GMIP: variants seen among roughly 807,000 people sequenced by gnomAD.
GMIP encodes the protein GEM interacting protein.
Under a neutral mutation model 105.3 loss-of-function variants are expected in GMIP, and 54 were observed. The ratio of observed to expected loss-of-function variants is 0.51; its 90% confidence interval spans 0.41 to 0.64. The LOEUF is 0.64. GMIP is among the 30% of genes least tolerant of loss of function. The probability of loss-of-function intolerance (pLI) is 0.00; values close to 1 mark genes in which losing one functional copy is unlikely to be tolerated. For synonymous variants in GMIP, 541 were observed against 560.8 expected, an observed-to-expected ratio of 0.96 and a Z score of 0.50; for missense variants, 1,110 against 1,319.4, an observed-to-expected ratio of 0.84 and a Z score of 2.46.
chr19:19,635,025 C>G lies in GMIP; in HGVS notation c.1749G>C (p.Gln583His). 1 of 1,613,766 alleles carries G rather than the reference C, an allele frequency of 6.2e-7. No individual in the cohort carries two copies. Among genetic ancestry groups the G allele is most frequent in the African/African-American group, 1.3e-5 (1 of 75,048 alleles). Residue 583 changes from glutamine (Q) to histidine (H), a missense_variant and splice_region_variant, in exon 16 of 21, where the codon CAG becomes CAC. By Grantham distance (24) the Gln-to-His change is conservative. Coordinates refer to ENST00000203556, the MANE Select transcript of GMIP (RefSeq NM_016573.4). This position sits in a 1 kb window ranked among gnomAD's most constrained non-coding sequence, Gnocchi z 4.7. Reference protein sequence around the residue: ...AEIEHRALDVQGIYRVSGSRV... With the variant: ...AEIEHRALDVHGIYRVSGSRV... ...GGATGATGAAGGGTCAGGGCAGCAC[C>G]TGCACATCCAGGGCACGGTGTTCTA...
chr19:19,637,544 G>A lies in GMIP; in HGVS notation c.945C>T (p.Phe315=). ...EVLRRVTLSL[F]GLRGAQAERG... ...GCTCTGCCTGCGCCCCCCGCAGCCC[G>A]AAGAGACTCAGCGTCACCTGCCGGG... is the stretch of plus-strand genomic sequence containing the variant. The change falls in exon 11 of 21, where the codon TTC becomes TTT. Residue 315 remains phenylalanine (F), a synonymous_variant. Transcript: ENST00000203556. The surrounding 1 kb of genome is among the most constrained non-coding windows in gnomAD (Gnocchi z 6.7). 1 of 1,531,560 alleles carries A rather than the reference G, an allele frequency of 6.5e-7. No individual in the cohort carries two copies. Among genetic ancestry groups the A allele is most frequent in the Non-Finnish European group, 8.7e-7 (1 of 1,143,038 alleles). The allele number at this position is 1,531,560 out of a possible 1,614,324, so 94.9% of individuals were successfully genotyped here. A position where few individuals can be genotyped will look rare whatever the true frequency, so the allele number is the denominator to read the frequency against.
chr19:19,642,833 C>T (rs1392684616), intron 1 of GMIP, among the ~76,000 whole-genome samples: 2 of 152,034 alleles, frequency 1.3e-5, no homozygotes, highest in East Asian at 3.9e-4. Context: ...AACAGAGACA[C>T]CCACTCCCTG....
intron 19 of GMIP, 55 bp downstream of exon 19, chr19:19,633,748 A>G (rs1480553896): frequency 2.4e-6 from 3 of 1,239,160 alleles, no homozygotes; most frequent in East Asian, 5.5e-5. Flanking sequence ...AGAAGGTAAG[A>G]GAATTGAACA....
At position 19,636,749 on chromosome 19, in the gene GMIP, C is replaced by G. The variant is rs538574812; in HGVS notation, c.1285G>C (p.Gly429Arg). The change falls in exon 13 of 21, where the codon GGC becomes CGC. Residue 429 changes from glycine to arginine, a missense_variant. By Grantham distance (125) the Gly-to-Arg change is moderately radical. Around this residue, in one of 3 missense-constraint regions of GMIP, gnomAD observed 667 missense variants for 773.2 expected, o/e 0.86. Coordinates refer to ENST00000203556, the MANE Select transcript of GMIP (RefSeq NM_016573.4). Reference sequence around the variant, plus strand: ...GAGTCCAGGGACCGAGACTCGCTGCCGCCACCCACGCTGTCCACATCGCTG... The same window carrying G: ...GAGTCCAGGGACCGAGACTCGCTGCGGCCACCCACGCTGTCCACATCGCTG... Reference protein sequence around the residue: ...PGSDVDSVGGGSESRSLDSPT... With the variant: ...PGSDVDSVGGRSESRSLDSPT... 2 of 1,613,524 alleles carry G rather than the reference C, an allele frequency of 1.2e-6. No homozygotes were observed. The highest frequency in any genetic ancestry group is 2.7e-5 in the African/African-American group (2 of 74,848).
chr19:19,631,611 T>C (rs1170410572), intron 19 of GMIP, among the ~76,000 whole-genome samples: 1 of 152,234 alleles, frequency 6.6e-6, no homozygotes, highest in Non-Finnish European at 1.5e-5. Context: ...TGGACTGTTC[T>C]AGCAATCCGG....
intron 19 of GMIP, 80 bp downstream of exon 19, chr19:19,633,723 G>A: frequency 9.4e-7 from 1 of 1,069,282 alleles, no homozygotes; most frequent in Non-Finnish European, 1.3e-6. Flanking sequence ...TTTTAAAAAG[G>A]AAGGAAGGTG....
chr19:19,637,016 T>C lies in GMIP; in HGVS notation c.1138A>G (p.Ile380Val), dbSNP rs759034928. Residue 380 changes from isoleucine (I) to valine (V), a missense_variant, in exon 12 of 21, where the codon ATC (isoleucine) becomes GTC (valine). Around this residue, in one of 3 missense-constraint regions of GMIP, gnomAD observed 667 missense variants for 773.2 expected, o/e 0.86. Transcript: ENST00000203556. This position sits in a 1 kb window ranked among gnomAD's most constrained non-coding sequence, Gnocchi z 6.7. The stretch of plus-strand genomic sequence containing the variant: ...AGAGGCCCAGAGAGCTTCTTTCTGA[T>C]GTCCAGAGGGGAGCTGAGAAGACAG... The part of the protein sequence containing the change: ...LPSLNSSPLD[I>V]RKKLSGPLPP... 2.5e-6 allele frequency: 4 copies of C among 1,568,746 alleles called. No homozygotes were observed. The highest frequency in any genetic ancestry group is 3.7e-5 in the Admixed American group (2 of 53,676).
At position 19,635,442 on chromosome 19, in the gene GMIP, G is replaced by A. The variant is rs555991456; in HGVS notation, c.1533C>T (p.Phe511=). ...CCTCACACTCCGTCCCGCTGACCAT[G>A]AAGGCTTCGCACTCGCGGCACTTGG... ...GPAKCRECEA[F]MVSGTECEEC... The change falls in exon 15 of 21, where the codon TTC becomes TTT. Residue 511 remains phenylalanine (F), a synonymous_variant. Coordinates refer to ENST00000203556, the MANE Select transcript of GMIP (RefSeq NM_016573.4). The surrounding 1 kb of genome is among the most constrained non-coding windows in gnomAD (Gnocchi z 4.7). 1 of 1,609,868 alleles carries A rather than the reference G, an allele frequency of 6.2e-7. No individual in the cohort carries two copies. The highest frequency in any genetic ancestry group is 1.3e-5 in the African/African-American group (1 of 75,044).
At chr19:19,642,488 T>G in intron 2 of GMIP, 47 bp downstream of exon 2, 1 of 1,206,886 alleles carries the variant, frequency 8.3e-7, no homozygotes, top group Non-Finnish European at 1.2e-6. Flanking sequence ...GGTTAGGGGC[T>G]TGGGGCATCT....
chr19:19,640,590 C>T lies in GMIP; in HGVS notation c.239-19G>A, dbSNP rs767312624. The T allele has an allele frequency of 1.2e-6, 2 of 1,613,448 alleles. No homozygotes were observed. Among genetic ancestry groups the T allele is most frequent in the African/African-American group, 2.7e-5 (2 of 74,860 alleles). On this transcript the variant is annotated intron_variant, in intron 4 of 20. Coordinates refer to ENST00000203556, the MANE Select transcript of GMIP (RefSeq NM_016573.4). ...TCCTCCCCTGGGGAAGATGGATGGA[C>T]CTCTGACCTTTGCACCCTAGTCTGC...
chr19:19,640,635 C>A, intron 4 of GMIP, 64 bp from the exon 5 acceptor site: 4 of 1,579,034 alleles, frequency 2.5e-6, no homozygotes, highest in Non-Finnish European at 3.5e-6. Context: ...CTTCCCTAAG[C>A]CCCCAGACCA....
At chr19:19,638,592 T>A in intron 7 of GMIP, 110 bp from the exon 8 acceptor site, 1 of 313,138 alleles carries the variant, frequency 3.2e-6, no homozygotes, top group Non-Finnish European at 5.4e-6. Flanking sequence ...CTGGACTCTA[T>A]TTTTTTTTTT....
chr19:19,630,631 A>C lies in GMIP; in HGVS notation c.2473-94T>G, dbSNP rs1453426559. The C allele has an allele frequency of 2.7e-6, 3 of 1,117,930 alleles. No homozygotes were observed. Among genetic ancestry groups the C allele is most frequent in the Non-Finnish European group, 4.1e-6 (3 of 733,280 alleles). The allele number at this position is 1,117,930 out of a possible 1,614,324, so 69.3% of individuals were successfully genotyped here. A position where few individuals can be genotyped will look rare whatever the true frequency, so the allele number is the denominator to read the frequency against. Reference sequence around the variant, plus strand: ...CAAGGGCTTGTTCCTGGACATGCAAAAGGAATAGCCAGTGCAAAGGCCCTG... The same window carrying C: ...CAAGGGCTTGTTCCTGGACATGCAACAGGAATAGCCAGTGCAAAGGCCCTG... On this transcript the variant is annotated intron_variant, in intron 19 of 20. Transcript: ENST00000203556. The surrounding 1 kb of genome is among the most constrained non-coding windows in gnomAD (Gnocchi z 4.8).
chr19:19,633,792 T>G lies in GMIP; in HGVS notation c.2472+11A>C. The G allele has an allele frequency of 6.9e-7, 1 of 1,439,524 alleles. No individual in the cohort carries two copies. The highest frequency in any genetic ancestry group is 9.2e-7 in the Non-Finnish European group (1 of 1,092,710). The allele number at this position is 1,439,524 out of a possible 1,614,324, so 89.2% of individuals were successfully genotyped here. A position where few individuals can be genotyped will look rare whatever the true frequency, so the allele number is the denominator to read the frequency against. ...GCCCTCTCCATAGCTGTGGGCCCAG[T>G]GGGTTCTTACCTCGGTAGGTGTGGC... On this transcript the variant is annotated intron_variant, in intron 19 of 20. Transcript: ENST00000203556.
In GMIP at chr19:19,629,877, G is replaced by A; in HGVS notation, c.*86C>T. On this transcript the variant is annotated 3_prime_UTR_variant, in exon 21 of 21. Transcript: ENST00000203556. ...CCCAGCATTGAACTCCTGGCGGGGTGTTTGGCCACTAGGTGGTGGGAGGTA... is the reference window on the plus strand; with the variant it reads ...CCCAGCATTGAACTCCTGGCGGGGTATTTGGCCACTAGGTGGTGGGAGGTA... The A allele has an allele frequency of 7.4e-7, 1 of 1,350,596 alleles. No homozygotes were observed. The highest frequency in any genetic ancestry group is 1.0e-6 in the Non-Finnish European group (1 of 994,294). 83.7% of individuals were successfully genotyped at this position (1,350,596 alleles called of 1,614,324 possible).
At position 19,635,407 on chromosome 19, in the gene GMIP, G is replaced by T; in HGVS notation, c.1560+8C>A. The T allele has an allele frequency of 6.2e-7, 1 of 1,608,258 alleles. No individual in the cohort carries two copies. On this transcript the variant is annotated splice_region_variant and intron_variant, in intron 15 of 20. Coordinates refer to ENST00000203556, the MANE Select transcript of GMIP (RefSeq NM_016573.4). This position sits in a 1 kb window ranked among gnomAD's most constrained non-coding sequence, Gnocchi z 4.7. ...CAAAGGTCATTTGGTCATTAACCCA[G>T]GCCACACCTCCTCACACTCCGTCCC...
At position 19,636,976 on chromosome 19, in the gene GMIP, T is replaced by A; in HGVS notation, c.1178A>T (p.Asp393Val). The part of the protein sequence containing the change: ...KLSGPLPPRL[D>V]ENSAEPGPWE... ...AGGGCCTGGCTCAGCTGAATTCTCA[T>A]CCAGCCTTGGAGGAAGAGGCCCAGA... The change falls in exon 12 of 21, where the codon GAT (aspartate) becomes GTT (valine). Residue 393 changes from aspartate to valine, a missense_variant. By Grantham distance (152) the Asp-to-Val change is radical (BLOSUM62 -3). Around this residue, in one of 3 missense-constraint regions of GMIP, gnomAD observed 667 missense variants for 773.2 expected, o/e 0.86. Coordinates refer to ENST00000203556, the MANE Select transcript of GMIP (RefSeq NM_016573.4). 1.3e-6 allele frequency: 2 copies of A among 1,585,438 alleles called. No homozygotes were observed. The highest frequency in any genetic ancestry group is 8.6e-7 in the Non-Finnish European group (1 of 1,165,050).
chr19:19,634,182 G>A lies in GMIP; in HGVS notation c.2093C>T (p.Ala698Val). The A allele has an allele frequency of 6.3e-7, 1 of 1,597,412 alleles. No individual in the cohort carries two copies. Among genetic ancestry groups the A allele is most frequent in the South Asian group, 1.1e-5 (1 of 89,978 alleles). Reference protein sequence around the residue: ...HLVAHLFRVAARFMENKMSAN... With the variant: ...HLVAHLFRVAVRFMENKMSAN... ...AGACATCTTGTTTTCCATAAATCGTGCAGCCACCCTGGGGATGGTGTGAAG... is the reference window on the plus strand; with the variant it reads ...AGACATCTTGTTTTCCATAAATCGTACAGCCACCCTGGGGATGGTGTGAAG... Residue 698 changes from alanine (A) to valine (V), a missense_variant, in exon 19 of 21, where the codon GCA becomes GTA. Coordinates refer to ENST00000203556, the MANE Select transcript of GMIP (RefSeq NM_016573.4). The surrounding 1 kb of genome is among the most constrained non-coding windows in gnomAD (Gnocchi z 6.1).
At position 19,637,553 on chromosome 19, in the gene GMIP, C is replaced by T; in HGVS notation, c.936G>A (p.Leu312=). 1 of 1,525,908 alleles carries T rather than the reference C, an allele frequency of 6.6e-7. No individual in the cohort carries two copies. The highest frequency in any genetic ancestry group is 8.8e-7 in the Non-Finnish European group (1 of 1,141,694). 94.5% of individuals were successfully genotyped at this position (1,525,908 alleles called of 1,614,324 possible). A position where few individuals can be genotyped will look rare whatever the true frequency, so the allele number is the denominator to read the frequency against. ...QGDEVLRRVT[L]SLFGLRGAQA... ...GCGCCCCCCGCAGCCCGAAGAGACT[C>T]AGCGTCACCTGCCGGGTGGAGACAG... The change falls in exon 11 of 21, where the codon CTG becomes CTA. Residue 312 remains leucine (L), a synonymous_variant. Coordinates refer to ENST00000203556, the MANE Select transcript of GMIP (RefSeq NM_016573.4). The surrounding 1 kb of genome is among the most constrained non-coding windows in gnomAD (Gnocchi z 6.7).
Sources: gnomAD v4.1 joint callset for allele counts (sites outside exome capture counted in the v4.1 genomes callset) on GRCh38, gnomAD v4.1.1 for gene constraint, gnomAD v4.1.1 regional missense constraint, Gnocchi (gnomAD v3.1) non-coding constraint, MANE v1.5 for transcripts, NCBI Gene and HGNC (gene_info 2026-07-23, HGNC 2026-07-21) for gene names.